The following UVRAG variants were observed in gnomAD, a reference collection of about 807,000 sequenced individuals.
The protein encoded by UVRAG is UV radiation resistance associated.
UVRAG carries 19 observed loss-of-function variants against 78.0 expected under a neutral mutation model. The observed-to-expected ratio is 0.24, with a 90% CI of 0.17 to 0.36. UVRAG has a LOEUF of 0.36. UVRAG is among the 10% of genes least tolerant of loss of function. UVRAG has a pLI of 1.00. For synonymous variants in UVRAG, 323 were observed against 324.6 expected (o/e 1.00, Z 0.05); for missense variants, 740 against 853.8 (o/e 0.87, Z 1.66).
chr11:75,860,793 CT>C (rs59883539), intron 2 of UVRAG, among the ~76,000 whole-genome samples: 267 of 143,714 alleles, frequency 1.9e-3, no homozygotes, highest in Admixed American at 1.8e-3. Flanking sequence ...CTTTTCTTTT[CT>C]TTTTTTTTTT....
chr11:75,861,718 C>G, intron 2 of UVRAG, 28 bp from the exon 3 acceptor site: 2 of 1,550,026 alleles, frequency 1.3e-6, no homozygotes, highest in Non-Finnish European at 1.8e-6. Flanking sequence ...TTTCATATCA[C>G]TTATTGTTCT....
chr11:75,915,115 A>T (rs1158320475), intron 6 of UVRAG: 1 of 152,110 alleles, frequency 6.6e-6, no homozygotes, highest in Non-Finnish European at 1.5e-5. Context: ...ATGGTGACAC[A>T]TGCCTGTAGT....
chr11:75,843,756 C>T (rs186426555), intron 1 of UVRAG, among the ~76,000 whole-genome samples: 2 of 152,094 alleles, frequency 1.3e-5, no homozygotes, highest in African/African-American at 4.8e-5. Context: ...GTCAGGAGTA[C>T]GAGACCAGCC....
At chr11:76,056,765 T>C (rs1341638904) in intron 12 of UVRAG, among the ~76,000 whole-genome samples, 4 of 152,212 alleles carry the variant, frequency 2.6e-5, no homozygotes, top group Non-Finnish European at 5.9e-5. Flanking sequence ...TGGAAGCATA[T>C]TATGTCTAGT....
At chr11:76,065,673 C>G (rs1429203094) in intron 12 of UVRAG, 37 bp from the exon 13 acceptor site, 1 of 1,597,404 alleles carries the variant, frequency 6.3e-7, no homozygotes, top group African/African-American at 1.3e-5. Context: ...ATTTACTCAG[C>G]TTTTGAAAAT....
intron 1 of UVRAG, among the ~76,000 whole-genome samples, chr11:75,841,666 A>G (rs1945913456): frequency 1.3e-5 from 2 of 152,192 alleles, no homozygotes; most frequent in South Asian, 4.1e-4. Flanking sequence ...GACTTGTGAA[A>G]TGCTTGGTAA....
chr11:76,072,930 A>G (rs1271717360), intron 13 of UVRAG, among the ~76,000 whole-genome samples: 2 of 152,164 alleles, frequency 1.3e-5, no homozygotes, highest in African/African-American at 4.8e-5. Flanking sequence ...AATTATTTTC[A>G]TAATAATACT....
At chr11:76,053,186 A>C (rs1950901733) in intron 12 of UVRAG, among the ~76,000 whole-genome samples, 1 of 151,790 alleles carries the variant, frequency 6.6e-6, no homozygotes, top group Non-Finnish European at 1.5e-5. Flanking sequence ...TACACCTGTA[A>C]TCCCAGCTAC....
intron 14 of UVRAG, among the ~76,000 whole-genome samples, chr11:76,119,001 AT>A (rs1468115274): frequency 1.3e-5 from 2 of 151,466 alleles, no homozygotes; most frequent in Non-Finnish European, 2.9e-5. Context: ...TACTGATTTA[AT>A]TTCTGTAATG....
At chr11:75,969,250 T>TA (rs1949082006) in intron 7 of UVRAG, among the ~76,000 whole-genome samples, 1 of 152,246 alleles carries the variant, frequency 6.6e-6, no homozygotes, top group African/African-American at 2.4e-5. Context: ...TGTATACCTT[T>TA]TTATGGCTGG....
At chr11:76,127,363 A>T (rs751895883) in intron 14 of UVRAG, among the ~76,000 whole-genome samples, 10 of 152,200 alleles carry the variant, frequency 6.6e-5, no homozygotes, top group Non-Finnish European at 1.2e-4. Context: ...GAGTTAAAGA[A>T]TGAATGAGGG....
At chr11:76,125,340 C>A (rs1952364849) in intron 14 of UVRAG, among the ~76,000 whole-genome samples, 1 of 152,176 alleles carries the variant, frequency 6.6e-6, no homozygotes, top group South Asian at 2.1e-4. Context: ...TTCAGAAGAA[C>A]CTTGACGAGT....
At chr11:76,121,882 A>T (rs969901326) in intron 14 of UVRAG, among the ~76,000 whole-genome samples, 5 of 152,178 alleles carry the variant, frequency 3.3e-5, no homozygotes, top group African/African-American at 7.2e-5. Context: ...ATAAGTGTGT[A>T]TTCCCTCAGT....
intron 3 of UVRAG, among the ~76,000 whole-genome samples, chr11:75,876,891 C>T (rs1268267553): frequency 1.3e-5 from 2 of 149,666 alleles, no homozygotes; most frequent in South Asian, 2.1e-4. Flanking sequence ...GGGTGTTTCT[C>T]ACAGAGGGGG....
At chr11:76,106,314 G>A (rs145552557) in intron 13 of UVRAG, among the ~76,000 whole-genome samples, 1 of 152,046 alleles carries the variant, frequency 6.6e-6, no homozygotes, top group Admixed American at 6.6e-5. Context: ...TGATCTGAGT[G>A]TATAGTTCTT....
intron 6 of UVRAG, among the ~76,000 whole-genome samples, chr11:75,922,973 A>AT (rs1305719103): frequency 2.7e-4 from 40 of 147,188 alleles, no homozygotes; most frequent in African/African-American, 6.2e-4. Context: ...ATATATATAT[A>AT]AGAAAAAAAT....
chr11:76,131,352 G>A (rs926283180), intron 14 of UVRAG, among the ~76,000 whole-genome samples: 1 of 152,136 alleles, frequency 6.6e-6, no homozygotes, highest in Non-Finnish European at 1.5e-5. Context: ...TCGGCAATAG[G>A]CACCCCCTCA....
At chr11:75,967,818 C>G (rs1949053471) in intron 7 of UVRAG, among the ~76,000 whole-genome samples, 1 of 152,182 alleles carries the variant, frequency 6.6e-6, no homozygotes, top group Non-Finnish European at 1.5e-5. Flanking sequence ...CTCTGGTAAA[C>G]TCCATCATAC....
intron 3 of UVRAG, among the ~76,000 whole-genome samples, chr11:75,870,395 A>T (rs1946623419): frequency 6.6e-6 from 1 of 152,200 alleles, no homozygotes; most frequent in African/African-American, 2.4e-5. Context: ...ATTTGCTACA[A>T]CAACCCCCAA....
Sources: allele counts gnomAD v4.1 joint callset (sites outside exome capture counted in the v4.1 genomes callset), GRCh38; gene constraint gnomAD v4.1.1; transcripts MANE v1.5; gene names NCBI Gene and HGNC (gene_info 2026-07-23, HGNC 2026-07-21).